Variants in TGFBR3 observed in about 807,000 individuals in gnomAD.
TGFBR3 encodes the protein transforming growth factor beta receptor type 3.
TGFBR3 carries 46 observed loss-of-function variants against 87.9 expected under a neutral mutation model. That is an observed-to-expected ratio of 0.52 (90% CI 0.41 to 0.67). The LOEUF is 0.67. Among genes scored for constraint, TGFBR3 ranks in the 30% least tolerant of loss-of-function variants. The probability of loss-of-function intolerance (pLI) is 0.00; values close to 1 mark genes in which losing one functional copy is unlikely to be tolerated. For missense variants in TGFBR3, 866 were observed against 1,041.9 expected (o/e 0.83, Z 2.32); for synonymous variants, 381 against 391.6 (o/e 0.97, Z 0.32).
At chr1:91,771,779 C>G (rs977529629) in intron 3 of TGFBR3, among the ~76,000 whole-genome samples, 2 of 150,480 alleles carry the variant, frequency 1.3e-5, no homozygotes, top group Non-Finnish European at 3.0e-5. Context: ...ACTAATAGCA[C>G]ATATAAACTT....
At chr1:91,765,615 C>T (rs1674150586) in intron 3 of TGFBR3, among the ~76,000 whole-genome samples, 1 of 151,872 alleles carries the variant, frequency 6.6e-6, no homozygotes. Context: ...TCCATGGGAA[C>T]CATAAAAGGC....
At chr1:91,768,579 C>A (rs1295196810) in intron 3 of TGFBR3, among the ~76,000 whole-genome samples, 1 of 152,090 alleles carries the variant, frequency 6.6e-6, no homozygotes, top group Non-Finnish European at 1.5e-5. Context: ...TTAGCACCAT[C>A]CCCCTAGTGC....
rs189740272 is a variant in TGFBR3, at chr1:91,765,351, A to T, written c.247-6601T>A. ...GAACAAAAGTTATTAATGAAATGTG[A>T]CTAGGATAATAATTACAGAGTCATA... On this transcript the variant is annotated intron_variant, in intron 3 of 16. Coordinates refer to ENST00000212355, the MANE Select transcript of TGFBR3 (RefSeq NM_003243.5). Among the ~76,000 whole-genome samples, 7 of 151,706 alleles carry T rather than the reference A, an allele frequency of 4.6e-5. No homozygotes were observed. The East Asian group carries it at 1.2e-3, about 25-fold the overall frequency.
intron 1 of TGFBR3, among the ~76,000 whole-genome samples, chr1:91,905,303 T>C (rs1679822503): frequency 6.6e-6 from 1 of 152,196 alleles, no homozygotes; most frequent in Admixed American, 6.5e-5. Flanking sequence ...TTCTCTAGGG[T>C]ACAGAAAAAT....
chr1:91,811,307 G>A lies in TGFBR3; in HGVS notation c.62-13836C>T, dbSNP rs182112787. ...AGTCTGGGTGACACAGTGAGACCTT[G>A]TCTTAAAAAATAAATTAATAATAAT... On this transcript the variant is annotated intron_variant, in intron 2 of 16. Transcript: ENST00000212355. 1.1e-4 allele frequency among the ~76,000 whole-genome samples: 17 copies of A among 152,226 alleles called. No homozygotes were observed. In the East Asian group the frequency reaches 2.9e-3, roughly 26 times the overall value.
intron 4 of TGFBR3, among the ~76,000 whole-genome samples, chr1:91,748,674 C>T (rs1052779366): frequency 6.6e-6 from 1 of 152,050 alleles, no homozygotes; most frequent in Non-Finnish European, 1.5e-5. Context: ...GCCCTCGAGT[C>T]AGCAGTGTGA....
At chr1:91,842,970 C>T (rs750295543) in intron 2 of TGFBR3, among the ~76,000 whole-genome samples, 2 of 152,166 alleles carry the variant, frequency 1.3e-5, no homozygotes, top group Non-Finnish European at 2.9e-5. Context: ...CCCATTGTAC[C>T]ACTGTGGTAT....
rs190107832 is a variant in TGFBR3 at position 91,756,560 on chromosome 1, T to C, written c.384+2053A>G. On this transcript the variant is annotated intron_variant, in intron 4 of 16. Transcript: ENST00000212355. ...TCGTGAGAATTAAAGTATTAGAGCA[T>C]TTAGTGACCTGAAATATCCTAAGTG... is the stretch of plus-strand genomic sequence containing the variant. Among the ~76,000 whole-genome samples the C allele has an allele frequency of 3.5e-4, 53 of 152,342 alleles. 1 individual carries two copies. The highest frequency in any genetic ancestry group is 5.6e-4 in the Non-Finnish European group (38 of 68,034).
In TGFBR3 at chr1:91,708,527, A is replaced by G. The variant is rs146691161; in HGVS notation, c.2287+136T>C. 25 of 1,399,240 alleles carry G rather than the reference A, an allele frequency of 1.8e-5. 1 individual carries two copies. The Admixed American group carries it at 3.4e-4, about 19-fold the overall frequency. 86.7% of individuals were successfully genotyped at this position (1,399,240 alleles called of 1,614,324 possible). The stretch of plus-strand genomic sequence containing the variant: ...AGCTAAAGAAAAGACTCTTCGGGCA[A>G]AAAATGGTCTTCTAAAGTAACTAAC... On this transcript the variant is annotated intron_variant, in intron 14 of 16. Transcript: ENST00000212355.
rs1412576186 is a variant in TGFBR3, at chr1:91,834,064, T to C, written c.61+27407A>G. Among the ~76,000 whole-genome samples, 2 of 152,268 alleles carry C rather than the reference T, an allele frequency of 1.3e-5. 1 individual carries two copies. The highest frequency in any genetic ancestry group is 4.8e-5 in the African/African-American group (2 of 41,472). ...AGAAAAAGGAACTATTTGGACATTA[T>C]ATACTGGAATTTTCACTACATTTTT... On this transcript the variant is annotated intron_variant, in intron 2 of 16. Coordinates refer to ENST00000212355, the MANE Select transcript of TGFBR3 (RefSeq NM_003243.5).
At chr1:91,740,418 G>A (rs1362193865) in intron 4 of TGFBR3, among the ~76,000 whole-genome samples, 2 of 151,108 alleles carry the variant, frequency 1.3e-5, no homozygotes, top group Non-Finnish European at 2.9e-5. Context: ...AGGCTGGAGT[G>A]CAATGGCATG....
At chr1:91,902,924 G>A (rs759364773) in intron 1 of TGFBR3, among the ~76,000 whole-genome samples, 3 of 151,742 alleles carry the variant, frequency 2.0e-5, no homozygotes, top group Admixed American at 6.6e-5. Flanking sequence ...CTCATGAGAT[G>A]GGCAGGGATG....
At chr1:91,895,100 A>C (rs2101338811) in intron 2 of TGFBR3, among the ~76,000 whole-genome samples, 1 of 152,258 alleles carries the variant, frequency 6.6e-6, no homozygotes, top group South Asian at 2.1e-4. Flanking sequence ...GTTATCATCC[A>C]GACTCATCTA....
intron 2 of TGFBR3, among the ~76,000 whole-genome samples, chr1:91,825,360 T>C (rs1048656323): frequency 1.3e-5 from 2 of 152,170 alleles, no homozygotes; most frequent in Non-Finnish European, 2.9e-5. Flanking sequence ...CTTGAAAACA[T>C]GCTAAGTGAA....
At chr1:91,891,117 C>T (rs1029595644), upstream of TGFBR3, among the ~76,000 whole-genome samples, 5 of 151,638 alleles carry the variant, frequency 3.3e-5, no homozygotes, top group Non-Finnish European at 5.9e-5. Context: ...AGGCTGGTCT[C>T]GAGCTCTGTG....
intron 1 of TGFBR3, among the ~76,000 whole-genome samples, chr1:91,879,339 C>T (rs1179614438): frequency 6.6e-6 from 1 of 151,992 alleles, no homozygotes; most frequent in East Asian, 1.9e-4. Flanking sequence ...TAACTGAATC[C>T]TCTTCCCAGG....
intron 4 of TGFBR3, among the ~76,000 whole-genome samples, chr1:91,739,840 G>T (rs991312154): frequency 1.3e-5 from 2 of 152,204 alleles, no homozygotes; most frequent in South Asian, 4.1e-4. Context: ...TTACAATCAT[G>T]GTGGAAGGTG....
At chr1:91,900,037 G>A (rs536981756) in intron 1 of TGFBR3, among the ~76,000 whole-genome samples, 10 of 151,982 alleles carry the variant, frequency 6.6e-5, no homozygotes, top group African/African-American at 2.4e-4. Context: ...ATAGATATTT[G>A]GAGTAGTTAA....
At chr1:91,755,832 G>T (rs1373336635) in intron 4 of TGFBR3, among the ~76,000 whole-genome samples, 1 of 152,030 alleles carries the variant, frequency 6.6e-6, no homozygotes, top group Non-Finnish European at 1.5e-5. Context: ...CTTTCATCTG[G>T]ACCTATAGCC....
Sources: allele counts gnomAD v4.1 joint callset (sites outside exome capture counted in the v4.1 genomes callset), GRCh38; gene constraint gnomAD v4.1.1; transcripts MANE v1.5; gene names NCBI Gene and HGNC (gene_info 2026-07-23, HGNC 2026-07-21).